The following GADL1 variants were observed in gnomAD, a reference collection of about 807,000 sequenced individuals.
GADL1 encodes the protein GAD like acidic amino acid decarboxylase 1, also known as acidic amino acid decarboxylase GADL1.
Under a neutral mutation model 69.5 loss-of-function variants are expected in GADL1, and 71 were observed. The observed-to-expected ratio is 1.02, with a 90% confidence interval of 0.84 to 1.25. The LOEUF (loss-of-function observed/expected upper bound fraction) is 1.25, where lower values mean the gene tolerates loss of function less well. Among genes scored for constraint, GADL1 ranks in the 50% most tolerant of loss-of-function variants. The probability of loss-of-function intolerance (pLI) is 0.00; values close to 1 mark genes in which losing one functional copy is unlikely to be tolerated. For missense variants in GADL1, 737 were observed against 631.8 expected (o/e 1.17, Z -1.79); for synonymous variants, 254 against 214.4 (o/e 1.18, Z -1.62).
Position 30,857,115 on chromosome 3 carries a change from T to C in GADL1, c.237A>G (p.Gln79=). ...TCTCCAAATCAAGAAGCTGTTTCAG[T>C]TGTTCAGGAGGCCTCCATTCACACA... is the stretch of plus-strand genomic sequence containing the variant. ...EKVCEWRPPE[Q]LKQLLDLEMR... is the part of the protein sequence containing the mutation. The change falls in exon 3 of 15, where the codon CAA becomes CAG. Residue 79 remains glutamine (Q), a synonymous_variant. Transcript: ENST00000282538. 2 of 1,550,256 alleles carry C rather than the reference T, an allele frequency of 1.3e-6. No individual in the cohort carries two copies. The highest frequency in any genetic ancestry group is 3.9e-5 in the Admixed American group (2 of 50,944).
At chr3:30,830,440 T>C (rs6771562) in intron 11 of GADL1, among the ~76,000 whole-genome samples, 15,481 of 151,958 alleles carry the variant, frequency 0.1, 1,887 homozygotes, top group East Asian at 0.32. Flanking sequence ...ACCTTGCAAA[T>C]TGGGGTAAGG....
At chr3:30,737,586 T>C (rs747483664) in intron 14 of GADL1, among the ~76,000 whole-genome samples, 8 of 152,084 alleles carry the variant, frequency 5.3e-5, no homozygotes, top group Non-Finnish European at 1.2e-4. Flanking sequence ...CCCTGATACC[T>C]CCCCAATCCA....
Position 30,728,328 on chromosome 3 carries a change from G to A in GADL1, c.1480C>T (p.Arg494Cys), listed in dbSNP as rs750604147. ...QPHRGKVNFFRQVVISPQVSR... is the reference protein window; with the variant it reads ...QPHRGKVNFFCQVVISPQVSR... ...ACTTGAGGGCTGATCACCACCTGGCGGAAGAAGTTGACCTTTCCCCGGTGC... is the reference window on the plus strand; with the variant it reads ...ACTTGAGGGCTGATCACCACCTGGCAGAAGAAGTTGACCTTTCCCCGGTGC... Residue 494 changes from arginine (R) to cysteine (C), a missense_variant, in exon 15 of 15, where the codon CGC becomes TGC. Arg to Cys is a radical substitution (Grantham distance 180). Coordinates refer to ENST00000282538, the MANE Select transcript of GADL1 (RefSeq NM_207359.3). 1.1e-4 allele frequency: 185 copies of A among 1,613,694 alleles called. No individual in the cohort carries two copies. The highest frequency in any genetic ancestry group is 1.5e-4 in the Non-Finnish European group (179 of 1,179,802).
rs576025077 is a variant in GADL1 at position 30,809,942 on chromosome 3, C to T, written c.1051-8854G>A. ...GGAGCATGAGGCTATAAGGAGACAA[C>T]AATCTTGCTCTAATATTTTCTCAAA... On this transcript the variant is annotated intron_variant, in intron 11 of 14. Coordinates refer to ENST00000282538, the MANE Select transcript of GADL1 (RefSeq NM_207359.3). Among the ~76,000 whole-genome samples, 294 of 152,254 alleles carry T rather than the reference C, an allele frequency of 1.9e-3. 3 individuals are homozygous for T. The highest frequency in any genetic ancestry group is 6.6e-3 in the African/African-American group (275 of 41,530).
chr3:30,861,541 G>T, intron 2 of GADL1, 52 bp downstream of exon 2: 1 of 1,349,474 alleles, frequency 7.4e-7, no homozygotes, highest in African/African-American at 1.5e-5. Flanking sequence ...ACTGATTTGG[G>T]GAACATCTAT....
intron 1 of GADL1, among the ~76,000 whole-genome samples, chr3:30,863,931 G>T (rs1008417473): frequency 7.9e-5 from 12 of 152,030 alleles, no homozygotes; most frequent in African/African-American, 2.9e-4. Context: ...AGATCCCCCA[G>T]TTGGGGAAAG....
At chr3:30,813,771 C>T (rs891272411) in intron 11 of GADL1, among the ~76,000 whole-genome samples, 2 of 152,200 alleles carry the variant, frequency 1.3e-5, no homozygotes, top group African/African-American at 4.8e-5. Flanking sequence ...TGGGATATTA[C>T]TGACATTACT....
At chr3:30,773,524 CAT>C (rs1184809628) in intron 14 of GADL1, among the ~76,000 whole-genome samples, 9 of 152,144 alleles carry the variant, frequency 5.9e-5, no homozygotes, top group Non-Finnish European at 1.2e-4. Context: ...ACCCTTAAAA[CAT>C]AGTATTTTAC....
At chr3:30,759,597 G>T (rs1178566532) in intron 14 of GADL1, among the ~76,000 whole-genome samples, 1 of 151,588 alleles carries the variant, frequency 6.6e-6, no homozygotes, top group Non-Finnish European at 1.5e-5. Flanking sequence ...ATTGTCACTA[G>T]GTTTTATTCC....
intron 2 of GADL1, 46 bp downstream of exon 2, chr3:30,861,547 T>C (rs1392651443): frequency 5.0e-6 from 7 of 1,403,212 alleles, no homozygotes; most frequent in Non-Finnish European, 6.8e-6. Flanking sequence ...TTGGGGAACA[T>C]CTATCTTTCC....
intron 11 of GADL1, among the ~76,000 whole-genome samples, chr3:30,822,836 G>A (rs778644024): frequency 4.6e-5 from 7 of 151,896 alleles, no homozygotes; most frequent in Non-Finnish European, 8.8e-5. Flanking sequence ...AATAGCATAT[G>A]TTTGCTTAAA....
At chr3:30,845,072 C>A (rs1342486512) in intron 6 of GADL1, among the ~76,000 whole-genome samples, 4 of 152,104 alleles carry the variant, frequency 2.6e-5, no homozygotes, top group African/African-American at 9.7e-5. Context: ...GCTGATCAGA[C>A]ACTTGACCAA....
chr3:30,758,034 A>G (rs930995115), intron 14 of GADL1, among the ~76,000 whole-genome samples: 4 of 152,216 alleles, frequency 2.6e-5, no homozygotes, highest in Non-Finnish European at 4.4e-5. Flanking sequence ...AACTAATTTT[A>G]TAGACGAAAC....
At chr3:30,836,700 G>A (rs1389907) in intron 9 of GADL1, among the ~76,000 whole-genome samples, 39,838 of 151,888 alleles carry the variant, frequency 0.26, 6,225 homozygotes, top group African/African-American at 0.44. Flanking sequence ...TTTTAAATAC[G>A]TTTGTGCCTT....
intron 1 of GADL1, among the ~76,000 whole-genome samples, chr3:30,862,310 A>G (rs1698332439): frequency 6.6e-6 from 1 of 151,982 alleles, no homozygotes; most frequent in Non-Finnish European, 1.5e-5. Context: ...GGAGTTAGGC[A>G]TTTGGAGAAA....
At chr3:30,853,059 C>T (rs989633875) in intron 4 of GADL1, among the ~76,000 whole-genome samples, 1 of 152,102 alleles carries the variant, frequency 6.6e-6, no homozygotes, top group African/African-American at 2.4e-5. Context: ...TAGGCATGCT[C>T]TCCTCGTGGC....
At chr3:30,775,164 AC>A in intron 14 of GADL1, among the ~76,000 whole-genome samples, 1 of 152,340 alleles carries the variant, frequency 6.6e-6, no homozygotes, top group African/African-American at 2.4e-5. Context: ...ACGTGCACAT[AC>A]TTGCAAGCAT....
rs1559503635 is a variant in GADL1 at position 30,800,847 on chromosome 3, ACAC to A, written c.1250+39_1250+41del. 9.5e-6 allele frequency: 12 copies of A among 1,269,648 alleles called. No individual in the cohort carries two copies. The African/African-American group carries it at 1.2e-4, about 13-fold the overall frequency. The allele number at this position is 1,269,648 out of a possible 1,614,324, so 78.6% of individuals were successfully genotyped here. On this transcript the variant is annotated intron_variant, in intron 12 of 14. Coordinates refer to ENST00000282538, the MANE Select transcript of GADL1 (RefSeq NM_207359.3). ...CACACACACACACACACACACACAC[ACAC>A]AGAAAGAGAGAGAGAGAGAGAGAGA...
chr3:30,842,821 T>TAAAAAAAAAAAAAAAAAAAAAAA (rs1559358436), intron 8 of GADL1, among the ~76,000 whole-genome samples: 1 of 66,468 alleles, frequency 1.5e-5, no homozygotes, highest in African/African-American at 7.0e-5. Flanking sequence ...ATTGGAATGT[T>TAAAAAAAAAAAAAAAAAAAAAAA]TAAAAAAAAA....
Sources: allele counts gnomAD v4.1 joint callset (sites outside exome capture counted in the v4.1 genomes callset), GRCh38; gene constraint gnomAD v4.1.1; transcripts MANE v1.5; gene names NCBI Gene and HGNC (gene_info 2026-07-23, HGNC 2026-07-21).